ARB2A: variants seen among roughly 807,000 people sequenced by gnomAD.
ARB2A encodes the protein ARB2 cotranscriptional regulator A.
At chr5:94,057,104 T>C in the ARB2A span, among the ~76,000 whole-genome samples, 1 of 152,200 alleles carries the variant, frequency 6.6e-6, no homozygotes, top group Non-Finnish European at 1.5e-5. Context: ...GACTTGAACT[T>C]TACTGTCAGC....
the ARB2A span, among the ~76,000 whole-genome samples, chr5:93,952,652 G>A: frequency 6.6e-6 from 1 of 151,958 alleles, no homozygotes; most frequent in South Asian, 2.1e-4. Flanking sequence ...TTCTTCTTTG[G>A]GTTAAATCTG....
the ARB2A span, among the ~76,000 whole-genome samples, chr5:93,969,256 T>C: frequency 6.6e-6 from 1 of 151,968 alleles, no homozygotes; most frequent in Admixed American, 6.6e-5. Context: ...ATAAGCAGAA[T>C]GAACGTCAGC....
the ARB2A span, among the ~76,000 whole-genome samples, chr5:93,947,375 A>C: frequency 6.6e-6 from 1 of 152,040 alleles, no homozygotes; most frequent in Non-Finnish European, 1.5e-5. Context: ...TAAGTTGTTT[A>C]TTTACCCTAC....
At chr5:94,021,752 T>A in the ARB2A span, among the ~76,000 whole-genome samples, 1 of 152,150 alleles carries the variant, frequency 6.6e-6, no homozygotes, top group Admixed American at 6.5e-5. Flanking sequence ...CTCATTAAAG[T>A]AGGACATGTT....
chr5:94,027,957 C>G, the ARB2A span, among the ~76,000 whole-genome samples: 1 of 151,966 alleles, frequency 6.6e-6, no homozygotes, highest in South Asian at 2.1e-4. Context: ...AATTAGAGGA[C>G]CCCCCAGCTG....
chr5:93,798,799 C>T, the ARB2A span, among the ~76,000 whole-genome samples: 1 of 152,054 alleles, frequency 6.6e-6, no homozygotes, highest in African/African-American at 2.4e-5. Context: ...TACCTAAGAG[C>T]ACATATGCCT....
the ARB2A span, among the ~76,000 whole-genome samples, chr5:93,842,216 C>T: frequency 2.6e-5 from 4 of 152,190 alleles, no homozygotes; most frequent in African/African-American, 9.6e-5. Flanking sequence ...ATGAAAGTAA[C>T]GGGTTAGAAA....
the ARB2A span, among the ~76,000 whole-genome samples, chr5:93,744,345 G>A: frequency 3.6e-5 from 5 of 139,830 alleles, no homozygotes; most frequent in African/African-American, 5.3e-5. Flanking sequence ...TGAGGCAGGA[G>A]AATTGCTTGA....
chr5:93,828,279 T>C, the ARB2A span, among the ~76,000 whole-genome samples: 1 of 152,198 alleles, frequency 6.6e-6, no homozygotes, highest in Admixed American at 6.5e-5. Flanking sequence ...GAGCAGTGGT[T>C]TGCAGTTCTC....
the ARB2A span, among the ~76,000 whole-genome samples, chr5:93,640,580 G>A: frequency 6.7e-6 from 1 of 149,462 alleles, no homozygotes; most frequent in African/African-American, 2.5e-5. Flanking sequence ...GTGTATGTGT[G>A]TGTGTGTGTG....
At chr5:93,857,162 C>G in the ARB2A span, among the ~76,000 whole-genome samples, 2 of 152,102 alleles carry the variant, frequency 1.3e-5, no homozygotes, top group Non-Finnish European at 2.9e-5. Flanking sequence ...CAGAGGAGTA[C>G]CCGGCTGTGT....
the ARB2A span, among the ~76,000 whole-genome samples, chr5:94,091,069 C>T: frequency 1.3e-5 from 2 of 152,252 alleles, no homozygotes; most frequent in African/African-American, 4.8e-5. Flanking sequence ...AGTCTTTCTT[C>T]ATTTCAAGAG....
chr5:93,723,291 C>T, the ARB2A span, among the ~76,000 whole-genome samples: 1 of 152,132 alleles, frequency 6.6e-6, no homozygotes, highest in Non-Finnish European at 1.5e-5. Flanking sequence ...TAAGACTGAC[C>T]TCTAGTCTGC....
the ARB2A span, among the ~76,000 whole-genome samples, chr5:93,783,185 C>T: frequency 2.0e-5 from 3 of 151,906 alleles, no homozygotes; most frequent in African/African-American, 2.4e-5. Flanking sequence ...GTTATGTGAG[C>T]GGGGAAAAGT....
the ARB2A span, among the ~76,000 whole-genome samples, chr5:93,714,073 T>C: frequency 6.6e-6 from 1 of 152,250 alleles, no homozygotes; most frequent in Non-Finnish European, 1.5e-5. Context: ...TTTTTTGTAA[T>C]ATGTGCCAAA....
At chr5:93,897,829 A>G in the ARB2A span, among the ~76,000 whole-genome samples, 2 of 149,448 alleles carry the variant, frequency 1.3e-5, no homozygotes, top group East Asian at 3.9e-4. Flanking sequence ...TATAGGGTCA[A>G]AAAAAAAAGG....
chr5:93,891,359 G>A, the ARB2A span, among the ~76,000 whole-genome samples: 1 of 151,920 alleles, frequency 6.6e-6, no homozygotes, highest in Admixed American at 6.6e-5. Context: ...ACTGTCCCTT[G>A]TAAAAATATA....
chr5:93,745,697 T>G, the ARB2A span, among the ~76,000 whole-genome samples: 1 of 151,978 alleles, frequency 6.6e-6, no homozygotes, highest in East Asian at 1.9e-4. Flanking sequence ...TCTTTTTGAC[T>G]GCAATAAAGC....
the ARB2A span, among the ~76,000 whole-genome samples, chr5:93,699,879 G>A: frequency 6.6e-6 from 1 of 151,638 alleles, no homozygotes; most frequent in Non-Finnish European, 1.5e-5. Flanking sequence ...GGTCCATGTG[G>A]CTGTAGGAGT....
Sources: gnomAD v4.1 joint callset for allele counts (sites outside exome capture counted in the v4.1 genomes callset) on GRCh38, gnomAD v4.1.1 for gene constraint, MANE v1.5 for transcripts, NCBI Gene and HGNC (gene_info 2026-07-23, HGNC 2026-07-21) for gene names.